The following TENM3 variants were observed in gnomAD, a reference collection of about 807,000 sequenced individuals.
TENM3 encodes teneurin-3.
In TENM3, 63 loss-of-function variants were observed where a neutral mutation model predicts 255.1. The observed-to-expected ratio is 0.25, with a 90% CI of 0.20 to 0.30. TENM3 has a LOEUF of 0.30. TENM3 is among the 10% of genes least tolerant of loss of function. The pLI is 1.00. For missense variants in TENM3, 2,929 were observed against 3,461.1 expected (o/e 0.85, Z 3.86); for synonymous variants, 1,306 against 1,322.3 (o/e 0.99, Z 0.27).
the TENM3 span, among the ~76,000 whole-genome samples, chr4:181,682,437 T>G: frequency 6.6e-6 from 1 of 152,200 alleles, no homozygotes; most frequent in Non-Finnish European, 1.5e-5. Context: ...CCAGATTGAC[T>G]GACTGATTGT....
chr4:181,486,827 T>A, the TENM3 span, among the ~76,000 whole-genome samples: 1 of 152,204 alleles, frequency 6.6e-6, no homozygotes, highest in East Asian at 1.9e-4. Flanking sequence ...TTCGAAGTAT[T>A]AGAATTCCAA....
rs115800134 is a variant in TENM3, at chr4:182,294,032, C to T, written c.-75-29914C>T. Among the ~76,000 whole-genome samples the T allele has an allele frequency of 4.5e-3, 692 of 152,130 alleles. 5 individuals are homozygous for T. Among genetic ancestry groups the T allele is most frequent in the African/African-American group, 0.016 (655 of 41,484 alleles). ...CCTGCGTCCTAGGCCATCACAGGCC[C>T]GGGTAAACTTCAGGATTTCCTCTAC... On this transcript the variant is annotated intron_variant, in intron 1 of 27. Coordinates refer to ENST00000511685, the MANE Select transcript of TENM3 (RefSeq NM_001080477.4).
chr4:182,314,258 G>A (rs1025815579), intron 1 of TENM3, among the ~76,000 whole-genome samples: 12 of 151,644 alleles, frequency 7.9e-5, no homozygotes, highest in East Asian at 2.0e-4. Flanking sequence ...CCGAGATCGC[G>A]CCACTACACT....
intron 3 of TENM3, among the ~76,000 whole-genome samples, chr4:182,557,734 C>T (rs976075804): frequency 6.6e-6 from 1 of 152,154 alleles, no homozygotes; most frequent in African/African-American, 2.4e-5. Flanking sequence ...CTCTCTCCCC[C>T]AGCCTCCAGC....
At chr4:181,774,005 T>G in the TENM3 span, among the ~76,000 whole-genome samples, 5 of 20,372 alleles carry the variant, frequency 2.5e-4, no homozygotes, top group African/African-American at 1.3e-3. Context: ...GTGGCTGTGT[T>G]TTTTTTTTTT....
chr4:182,075,005 G>A, the TENM3 span, among the ~76,000 whole-genome samples: 3 of 152,068 alleles, frequency 2.0e-5, no homozygotes, highest in African/African-American at 7.2e-5. Context: ...TGTCCACGGG[G>A]GTTATGTTAC....
At chr4:181,990,798 G>A in the TENM3 span, among the ~76,000 whole-genome samples, 1 of 151,984 alleles carries the variant, frequency 6.6e-6, no homozygotes, top group African/African-American at 2.4e-5. Context: ...TTAAACCCCG[G>A]AACTCCTAAT....
intron 11 of TENM3, among the ~76,000 whole-genome samples, chr4:182,684,046 C>T (rs768433396): frequency 6.6e-5 from 10 of 150,920 alleles, no homozygotes; most frequent in East Asian, 2.0e-4. Flanking sequence ...AGAGGCAGGA[C>T]GTAGGGAGGC....
chr4:182,313,788 C>T (rs1031207799), intron 1 of TENM3, among the ~76,000 whole-genome samples: 1 of 152,080 alleles, frequency 6.6e-6, no homozygotes, highest in Non-Finnish European at 1.5e-5. Flanking sequence ...AAGTTGGTAT[C>T]ATTCTCAACT....
intron 3 of TENM3, among the ~76,000 whole-genome samples, chr4:182,351,709 T>C (rs1765192907): frequency 6.6e-6 from 1 of 152,026 alleles, no homozygotes; most frequent in Non-Finnish European, 1.5e-5. Flanking sequence ...TTGAGGACAG[T>C]CTTTGCGAAT....
intron 5 of TENM3, among the ~76,000 whole-genome samples, chr4:182,633,585 A>T (rs1353853363): frequency 6.6e-6 from 1 of 152,258 alleles, no homozygotes; most frequent in Non-Finnish European, 1.5e-5. Context: ...CATCTGAGGA[A>T]CAGCAAGGAG....
At chr4:182,348,337 A>G (rs772915884) in intron 3 of TENM3, among the ~76,000 whole-genome samples, 14 of 152,228 alleles carry the variant, frequency 9.2e-5, no homozygotes, top group Non-Finnish European at 1.8e-4. Flanking sequence ...GTTTCTATCC[A>G]TTTTCATAGT....
At chr4:182,588,154 T>C (rs1219261079) in intron 3 of TENM3, among the ~76,000 whole-genome samples, 3 of 152,186 alleles carry the variant, frequency 2.0e-5, no homozygotes, top group Admixed American at 2.0e-4. Context: ...AATTTTAAAA[T>C]TGAAAAACTT....
the TENM3 span, among the ~76,000 whole-genome samples, chr4:181,910,558 CAT>C: frequency 0.31 from 43,721 of 141,584 alleles, 6,923 homozygotes; most frequent in African/African-American, 0.37. Context: ...AAAGTGTATA[CAT>C]ATATATATAT....
chr4:182,044,792 C>T, the TENM3 span, among the ~76,000 whole-genome samples: 4 of 152,158 alleles, frequency 2.6e-5, no homozygotes, highest in East Asian at 3.9e-4. Context: ...TTTTTCCTGC[C>T]GTATTGACCA....
intron 1 of TENM3, among the ~76,000 whole-genome samples, chr4:182,264,105 G>T (rs184365325): frequency 8.4e-4 from 128 of 152,220 alleles, no homozygotes; most frequent in African/African-American, 3.1e-3. Flanking sequence ...TGTGCAAATG[G>T]CTAAATGAAT....
At chr4:181,908,479 C>T in the TENM3 span, among the ~76,000 whole-genome samples, 1 of 152,220 alleles carries the variant, frequency 6.6e-6, no homozygotes, top group Admixed American at 6.5e-5. Context: ...ATAATATTTA[C>T]ATTCCATATT....
chr4:182,800,561 AGCGCT>A lies in TENM3; in HGVS notation c.*213_*217del. 1 of 548,102 alleles carries A rather than the reference AGCGCT, an allele frequency of 1.8e-6. No homozygotes were observed. The highest frequency in any genetic ancestry group is 3.1e-6 in the Non-Finnish European group (1 of 321,342). 34.0% of individuals were successfully genotyped at this position (548,102 alleles called of 1,614,324 possible). A position where few individuals can be genotyped will look rare whatever the true frequency, so the allele number is the denominator to read the frequency against. ...TTAACGAATATGTTTACATATGCAT[AGCGCT>A]GCACTCAGTCGGACTGAACGTAGCC... On this transcript the variant is annotated 3_prime_UTR_variant, in exon 28 of 28. Coordinates refer to ENST00000511685, the MANE Select transcript of TENM3 (RefSeq NM_001080477.4).
intron 27 of TENM3, among the ~76,000 whole-genome samples, chr4:182,798,441 T>C (rs1302684740): frequency 6.6e-6 from 1 of 152,222 alleles, no homozygotes; most frequent in African/African-American, 2.4e-5. Flanking sequence ...GGCCATCCCA[T>C]ACAGCCTACG....
Sources: gnomAD v4.1 joint callset for allele counts (sites outside exome capture counted in the v4.1 genomes callset) on GRCh38, gnomAD v4.1.1 for gene constraint, MANE v1.5 for transcripts, NCBI Gene and HGNC (gene_info 2026-07-23, HGNC 2026-07-21) for gene names.